The following DAB1 variants were observed in gnomAD, a reference collection of about 807,000 sequenced individuals.
DAB1 encodes DAB adaptor protein 1.
A neutral mutation model predicts 64.6 loss-of-function variants in DAB1; 15 were observed. The observed-to-expected ratio is 0.23, with a 90% CI of 0.16 to 0.36. DAB1 has a LOEUF of 0.36. Ranked by LOEUF, DAB1 falls within the 10% of genes least tolerant of loss-of-function variation. The probability of loss-of-function intolerance (pLI) is 1.00; values close to 1 mark genes in which losing one functional copy is unlikely to be tolerated. For synonymous variants in DAB1, 235 were observed against 251.9 expected (o/e 0.93, Z 0.64); for missense variants, 596 against 706.7 (o/e 0.84, Z 1.78).
chr1:57,088,644 C>A (rs1653333548), intron 4 of DAB1, among the ~76,000 whole-genome samples: 1 of 152,172 alleles, frequency 6.6e-6, no homozygotes, highest in Non-Finnish European at 1.5e-5. Context: ...GGATTTTTCA[C>A]TTCCCTGACT....
At chr1:57,449,990 T>A (rs902278395) in intron 7 of DAB1, among the ~76,000 whole-genome samples, 1 of 152,220 alleles carries the variant, frequency 6.6e-6, no homozygotes, top group Non-Finnish European at 1.5e-5. Context: ...TTAGAAAGCT[T>A]ACTATCTTGT....
At chr1:58,317,747 G>A (rs1193381113) in intron 4 of DAB1, among the ~76,000 whole-genome samples, 1 of 152,242 alleles carries the variant, frequency 6.6e-6, no homozygotes, top group Non-Finnish European at 1.5e-5. Flanking sequence ...GCTCCTCTGA[G>A]CCTGTCTGGA....
At chr1:57,035,394 A>T (rs1412865375) in intron 9 of DAB1, among the ~76,000 whole-genome samples, 1 of 152,084 alleles carries the variant, frequency 6.6e-6, no homozygotes, top group Non-Finnish European at 1.5e-5. Context: ...AAAACCCCCC[A>T]CCATGTCCCA....
chr1:57,021,752 T>C (rs1646630709), intron 11 of DAB1, among the ~76,000 whole-genome samples: 1 of 152,144 alleles, frequency 6.6e-6, no homozygotes, highest in South Asian at 2.1e-4. Context: ...CTGGAAGAGA[T>C]ATAAAATTGC....
At chr1:58,155,248 T>C (rs890163056) in intron 4 of DAB1, among the ~76,000 whole-genome samples, 3 of 152,250 alleles carry the variant, frequency 2.0e-5, no homozygotes, top group Non-Finnish European at 4.4e-5. Context: ...TGTCTATACC[T>C]AGACTCTAGG....
chr1:57,321,165 G>C (rs1315030442), intron 1 of DAB1, among the ~76,000 whole-genome samples: 1 of 152,148 alleles, frequency 6.6e-6, no homozygotes, highest in Non-Finnish European at 1.5e-5. Context: ...GTATTATACT[G>C]ACTCCAATTT....
At chr1:57,918,421 C>T (rs771235186) in intron 5 of DAB1, among the ~76,000 whole-genome samples, 25 of 152,138 alleles carry the variant, frequency 1.6e-4, no homozygotes, top group Non-Finnish European at 2.5e-4. Context: ...GAAGTGGACA[C>T]TTCCAAGGAG....
intron 6 of DAB1, among the ~76,000 whole-genome samples, chr1:57,781,946 G>A (rs1372927875): frequency 1.3e-5 from 2 of 152,050 alleles, no homozygotes; most frequent in African/African-American, 2.4e-5. Context: ...GATCCAGAAG[G>A]GCAAGCAACT....
chr1:58,082,814 G>A (rs1026373214), intron 5 of DAB1, among the ~76,000 whole-genome samples: 3 of 152,110 alleles, frequency 2.0e-5, no homozygotes, highest in Non-Finnish European at 4.4e-5. Context: ...AGGTGGGGGG[G>A]AGGGGTGGCC....
At chr1:57,796,859 C>CACATCTGCGTCATATCCT (rs1553129949) in intron 6 of DAB1, among the ~76,000 whole-genome samples, 1 of 152,138 alleles carries the variant, frequency 6.6e-6, no homozygotes, top group Non-Finnish European at 1.5e-5. Flanking sequence ...TATAGATCCC[C>CACATCTGCGTCATATCCT]ACATCTGCGT....
Position 57,587,985 on chromosome 1 carries a change from A to G in DAB1, n.625+61607T>C, listed in dbSNP as rs1645400392. Among the ~76,000 whole-genome samples the G allele has an allele frequency of 1.3e-5, 2 of 151,780 alleles. 1 individual carries two copies. The highest frequency in any genetic ancestry group is 2.9e-5 in the Non-Finnish European group (2 of 67,944). On this transcript the variant is annotated intron_variant and non_coding_transcript_variant, in intron 7 of 20. Transcript: ENST00000485760. The stretch of plus-strand genomic sequence containing the variant: ...CATTTCCTTACCCACTATCCCTGAA[A>G]CTCCTGAGGCCACTTTGTTGCTCTC...
Position 57,415,696 on chromosome 1 carries a change from T to C in DAB1, c.-137+8234A>G, listed in dbSNP as rs1339805959. ...TGAGTATATTTGAATGGATGTGGCTTATACCTAGAACTTTCGTGAGTAGAC... is the reference window on the plus strand; with the variant it reads ...TGAGTATATTTGAATGGATGTGGCTCATACCTAGAACTTTCGTGAGTAGAC... On this transcript the variant is annotated intron_variant, in intron 1 of 14. Coordinates refer to ENST00000371236, the MANE Select transcript of DAB1 (RefSeq NM_001365792.1). Among the ~76,000 whole-genome samples, 4 of 152,312 alleles carry C rather than the reference T, an allele frequency of 2.6e-5. No individual in the cohort carries two copies. The East Asian group carries it at 7.7e-4, about 29-fold the overall frequency.
chr1:57,287,954 C>T (rs919361663), intron 2 of DAB1, among the ~76,000 whole-genome samples: 11 of 152,016 alleles, frequency 7.2e-5, no homozygotes, highest in African/African-American at 1.7e-4. Context: ...TGCCACCATG[C>T]CTGACTAATT....
At chr1:57,197,615 C>A (rs767165693) in intron 2 of DAB1, among the ~76,000 whole-genome samples, 1 of 152,126 alleles carries the variant, frequency 6.6e-6, no homozygotes. Context: ...AGCAGTAGAG[C>A]CAGATTTTAG....
chr1:58,498,840 A>G (rs1214990577), intron 3 of DAB1, among the ~76,000 whole-genome samples: 2 of 152,132 alleles, frequency 1.3e-5, no homozygotes, highest in African/African-American at 4.8e-5. Flanking sequence ...TTTCACAAAC[A>G]CTGCAATGGA....
chr1:57,775,470 T>C (rs1451230165), intron 6 of DAB1, among the ~76,000 whole-genome samples: 2 of 151,728 alleles, frequency 1.3e-5, no homozygotes, highest in African/African-American at 4.8e-5. Flanking sequence ...TGTGTTTTCA[T>C]TGTAATGCAC....
chr1:57,157,563 A>G (rs71639742), intron 2 of DAB1, among the ~76,000 whole-genome samples: 1 of 137,488 alleles, frequency 7.3e-6, no homozygotes, highest in Non-Finnish European at 1.6e-5. Context: ...TTGTGCATGC[A>G]CTGAGAAAGA....
At chr1:57,036,703 A>G (rs555511496) in intron 9 of DAB1, among the ~76,000 whole-genome samples, 24 of 152,354 alleles carry the variant, frequency 1.6e-4, no homozygotes, top group African/African-American at 5.8e-4. Flanking sequence ...TCAACATGAC[A>G]TCAAATTTAC....
intron 1 of DAB1, among the ~76,000 whole-genome samples, chr1:57,879,532 C>T (rs970568519): frequency 1.3e-5 from 2 of 152,140 alleles, no homozygotes; most frequent in Middle Eastern, 3.2e-3. Context: ...ACTAAGAAGC[C>T]TCAGATGGCA....
Sources: gnomAD v4.1 joint callset for allele counts (sites outside exome capture counted in the v4.1 genomes callset) on GRCh38, gnomAD v4.1.1 for gene constraint, MANE v1.5 for transcripts, NCBI Gene and HGNC (gene_info 2026-07-23, HGNC 2026-07-21) for gene names.